The following TMEM44 variants were observed in gnomAD, a reference collection of about 807,000 sequenced individuals.
TMEM44 encodes transmembrane protein 44.
Under a neutral mutation model 47.8 loss-of-function variants are expected in TMEM44, and 43 were observed. The observed-to-expected ratio is 0.90, with a 90% CI of 0.70 to 1.16. TMEM44 has a LOEUF of 1.16. TMEM44 is among the 50% of genes most tolerant of loss of function. The probability of loss-of-function intolerance (pLI) is 0.00; values close to 1 mark genes in which losing one functional copy is unlikely to be tolerated. For synonymous variants in TMEM44, 277 were observed against 238.8 expected (o/e 1.16, Z -1.48); for missense variants, 568 against 555.2 (o/e 1.02, Z -0.23).
intron 7 of TMEM44, among the ~76,000 whole-genome samples, chr3:194,612,021 AAAATAAAT>A (rs10578893): frequency 0.29 from 43,081 of 146,510 alleles, 6,636 homozygotes; most frequent in East Asian, 0.55. Context: ...CTCCGTCTCA[AAAATAAAT>A]AAATAAATAA....
chr3:194,609,492 G>A lies in TMEM44; in HGVS notation c.1017+1424C>T, dbSNP rs145815265. 1.7e-3 allele frequency among the ~76,000 whole-genome samples: 264 copies of A among 152,288 alleles called. 1 individual carries two copies. The highest frequency in any genetic ancestry group is 3.4e-3 in the Middle Eastern group (1 of 294). On this transcript the variant is annotated intron_variant, in intron 8 of 9. Coordinates refer to ENST00000347147, the MANE Select transcript of TMEM44 (RefSeq NM_001011655.3). ...CCAGGAGCAGCTGGTGGCCGAGTGC[G>A]TGGACTCTCAGAATGGAATGATGGT...
chr3:194,629,159 G>A (rs1017663798), intron 1 of TMEM44, among the ~76,000 whole-genome samples: 21 of 149,454 alleles, frequency 1.4e-4, no homozygotes, highest in Non-Finnish European at 2.7e-4. Flanking sequence ...GCGAGACTCC[G>A]TCTCAAAAAA....
intron 9 of TMEM44, among the ~76,000 whole-genome samples, chr3:194,595,044 A>T (rs965249002): frequency 3.9e-5 from 6 of 152,226 alleles, no homozygotes; most frequent in Non-Finnish European, 5.9e-5. Flanking sequence ...TCCCTGTTTC[A>T]AGAGCAAATG....
intron 8 of TMEM44, among the ~76,000 whole-genome samples, chr3:194,610,440 C>A (rs1325424016): frequency 2.0e-5 from 3 of 152,160 alleles, no homozygotes; most frequent in Non-Finnish European, 2.9e-5. Context: ...TACACATTTT[C>A]CCTTTCATAA....
chr3:194,633,046 G>GCCCGACAGCCA (rs768667230), intron 1 of TMEM44, 33 bp downstream of exon 1: 4 of 1,544,554 alleles, frequency 2.6e-6, no homozygotes, highest in African/African-American at 1.4e-5. Flanking sequence ...CCGTTTCCCC[G>GCCCGACAGCCA]CCCGACAGCC....
intron 7 of TMEM44, among the ~76,000 whole-genome samples, chr3:194,615,234 T>C (rs1294959021): frequency 6.6e-6 from 1 of 151,782 alleles, no homozygotes; most frequent in Non-Finnish European, 1.5e-5. Context: ...AGAGCAAGAC[T>C]CCATCTCAAT....
intron 5 of TMEM44, chr3:194,617,681 T>C: frequency 1.4e-6 from 1 of 704,062 alleles, no homozygotes; most frequent in Admixed American, 2.0e-5. Context: ...CTCGCCAATG[T>C]CCGCTGGGAG....
intron 9 of TMEM44, among the ~76,000 whole-genome samples, chr3:194,600,289 G>A (rs1713928161): frequency 6.6e-6 from 1 of 151,078 alleles, no homozygotes; most frequent in Admixed American, 6.6e-5. Flanking sequence ...AGTAGAGACG[G>A]GGTTTGTATT....
chr3:194,614,315 A>G (rs1715654669), intron 7 of TMEM44, among the ~76,000 whole-genome samples: 1 of 152,204 alleles, frequency 6.6e-6, no homozygotes, highest in African/African-American at 2.4e-5. Context: ...GCTCTGGAGC[A>G]CCGTGTTAGG....
At chr3:194,618,864 G>A (rs1046275535) in intron 5 of TMEM44, among the ~76,000 whole-genome samples, 5 of 152,120 alleles carry the variant, frequency 3.3e-5, no homozygotes, top group South Asian at 2.1e-4. Context: ...TCTGGCCTGC[G>A]CCCTGAAGAC....
intron 8 of TMEM44, among the ~76,000 whole-genome samples, chr3:194,610,229 G>A (rs1420064252): frequency 6.6e-6 from 1 of 151,164 alleles, no homozygotes; most frequent in African/African-American, 2.4e-5. Context: ...AAAAAAGAGA[G>A]AAAAAGATGA....
In TMEM44 at chr3:194,633,157, C is replaced by T; in HGVS notation, c.59G>A (p.Cys20Tyr). Residue 20 changes from cysteine (C) to tyrosine (Y), a missense_variant, in exon 1 of 10, where the codon TGC (cysteine) becomes TAC (tyrosine). Coordinates refer to ENST00000347147, the MANE Select transcript of TMEM44 (RefSeq NM_001011655.3). Reference sequence around the variant, plus strand: ...GATGCAGACGCGGTGGCGGGCGAAGCAGCGGTCCAGGTAGTCCCAGTCCCA... The same window carrying T: ...GATGCAGACGCGGTGGCGGGCGAAGTAGCGGTCCAGGTAGTCCCAGTCCCA... ...ALWDWDYLDR[C>Y]FARHRVCISF... The T allele has an allele frequency of 6.5e-7, 1 of 1,548,922 alleles. No homozygotes were observed. The highest frequency in any genetic ancestry group is 2.4e-5 in the East Asian group (1 of 40,906).
intron 8 of TMEM44, among the ~76,000 whole-genome samples, chr3:194,608,435 T>C (rs1281999184): frequency 2.0e-5 from 3 of 151,836 alleles, no homozygotes; most frequent in African/African-American, 7.3e-5. Context: ...GCACCAGGAG[T>C]CAACGAGACA....
chr3:194,590,174 G>A (rs975459787), intron 9 of TMEM44: 10 of 152,234 alleles, frequency 6.6e-5, no homozygotes, highest in Non-Finnish European at 1.2e-4. Context: ...TGACACAATG[G>A]CCATGCCATC....
intron 9 of TMEM44, among the ~76,000 whole-genome samples, chr3:194,603,599 T>C (rs912319403): frequency 3.3e-5 from 5 of 152,146 alleles, no homozygotes; most frequent in African/African-American, 1.2e-4. Flanking sequence ...GGTTTCTCCA[T>C]GTTGGCCAGG....
intron 5 of TMEM44, among the ~76,000 whole-genome samples, chr3:194,621,187 G>A (rs544104036): frequency 5.3e-5 from 8 of 152,232 alleles, no homozygotes; most frequent in Non-Finnish European, 1.0e-4. Context: ...GACACAGAAA[G>A]GTACGGAGGG....
intron 9 of TMEM44, among the ~76,000 whole-genome samples, chr3:194,592,381 C>T (rs1224903614): frequency 6.6e-6 from 1 of 152,218 alleles, no homozygotes; most frequent in African/African-American, 2.4e-5. Context: ...GGCATGGAGA[C>T]AGCAGCCAGC....
chr3:194,632,696 G>A (rs1186388115), intron 1 of TMEM44, among the ~76,000 whole-genome samples: 3 of 152,190 alleles, frequency 2.0e-5, no homozygotes, highest in Non-Finnish European at 4.4e-5. Context: ...TAACGGTACT[G>A]ATTCATCGAA....
intron 5 of TMEM44, among the ~76,000 whole-genome samples, chr3:194,621,039 AAAAG>A (rs1224742841): frequency 2.0e-5 from 3 of 151,974 alleles, no homozygotes; most frequent in Non-Finnish European, 4.4e-5. Flanking sequence ...AAAAAAAAAA[AAAAG>A]ATGTTGAAGT....
Sources: gnomAD v4.1 joint callset for allele counts (sites outside exome capture counted in the v4.1 genomes callset) on GRCh38, gnomAD v4.1.1 for gene constraint, MANE v1.5 for transcripts, NCBI Gene and HGNC (gene_info 2026-07-23, HGNC 2026-07-21) for gene names.